GPBP1: variants seen among roughly 807,000 people sequenced by gnomAD.
GPBP1 encodes the protein GC-rich promoter binding protein 1.
Under a neutral mutation model 56.5 loss-of-function variants are expected in GPBP1, and 13 were observed. The observed-to-expected ratio is 0.23, with a 90% CI of 0.15 to 0.37. The LOEUF (loss-of-function observed/expected upper bound fraction) is 0.37. GPBP1 is among the 10% of genes least tolerant of loss of function. GPBP1 has a pLI of 1.00. For missense variants in GPBP1, 477 were observed against 572.3 expected (o/e 0.83, Z 1.70); for synonymous variants, 204 against 188.9 (o/e 1.08, Z -0.66).
At chr5:57,197,252 C>G (rs1395147623) in intron 2 of GPBP1, among the ~76,000 whole-genome samples, 1 of 152,106 alleles carries the variant, frequency 6.6e-6, no homozygotes, top group East Asian at 1.9e-4. Context: ...TTGTCCTCCT[C>G]CATTTGAGGA....
In GPBP1 at chr5:57,263,945, T is replaced by G. The variant is rs888064794; in HGVS notation, c.*1193T>G. The G allele has an allele frequency of 6.6e-6, 1 of 152,192 alleles. No homozygotes were observed. The highest frequency in any genetic ancestry group is 1.5e-5 in the Non-Finnish European group (1 of 68,014). 9.4% of individuals were successfully genotyped at this position (152,192 alleles called of 1,614,324 possible). On this transcript the variant is annotated 3_prime_UTR_variant, in exon 12 of 12. Coordinates refer to ENST00000506184, the MANE Select transcript of GPBP1 (RefSeq NM_022913.4). ...TTATGTTTAAATATATTCTAACTTATGTAAAGAGCATAATCTTAGAGCAAA... is the reference window on the plus strand; with the variant it reads ...TTATGTTTAAATATATTCTAACTTAGGTAAAGAGCATAATCTTAGAGCAAA...
intron 10 of GPBP1, among the ~76,000 whole-genome samples, chr5:57,260,571 T>C (rs1422853649): frequency 6.6e-6 from 1 of 152,154 alleles, no homozygotes; most frequent in Non-Finnish European, 1.5e-5. Flanking sequence ...TTAGCACAAG[T>C]TTATTTTGGT....
rs1262269484 is a variant in GPBP1, at chr5:57,263,304, A to T, written c.*552A>T. ...CAAAGTGCACTAAAACAATTTCCTGAACTCACCTGTTGTACTATTCACCTT... is the reference window on the plus strand; with the variant it reads ...CAAAGTGCACTAAAACAATTTCCTGTACTCACCTGTTGTACTATTCACCTT... On this transcript the variant is annotated 3_prime_UTR_variant, in exon 12 of 12. Transcript: ENST00000506184. 2 of 152,488 alleles carry T rather than the reference A, an allele frequency of 1.3e-5. No individual in the cohort carries two copies. Among genetic ancestry groups the T allele is most frequent in the Admixed American group, 6.5e-5 (1 of 15,322 alleles). The allele number at this position is 152,488 out of a possible 1,614,324, so 9.4% of individuals were successfully genotyped here.
At chr5:57,240,313 T>C (rs545808950) in intron 6 of GPBP1, among the ~76,000 whole-genome samples, 1 of 152,290 alleles carries the variant, frequency 6.6e-6, no homozygotes, top group East Asian at 1.9e-4. Flanking sequence ...GGCTACATGC[T>C]TTTGTTGATA....
chr5:57,225,181 G>A (rs558348754), intron 3 of GPBP1, among the ~76,000 whole-genome samples: 7 of 152,082 alleles, frequency 4.6e-5, no homozygotes, highest in East Asian at 1.9e-4. Context: ...TTATTTCGCC[G>A]GGCACGGTAG....
At chr5:57,232,494 C>G (rs997253767) in intron 5 of GPBP1, among the ~76,000 whole-genome samples, 1 of 152,212 alleles carries the variant, frequency 6.6e-6, no homozygotes, top group Non-Finnish European at 1.5e-5. Flanking sequence ...GGCATTAAGT[C>G]ATAGACTGTT....
intron 8 of GPBP1, 106 bp downstream of exon 8, chr5:57,247,321 T>A: frequency 1.1e-6 from 1 of 942,934 alleles, no homozygotes; most frequent in Non-Finnish European, 1.5e-6. Flanking sequence ...AAAATGAGTT[T>A]CATTCCTTCA....
At chr5:57,248,197 T>G (rs955291691) in intron 8 of GPBP1, among the ~76,000 whole-genome samples, 5 of 152,162 alleles carry the variant, frequency 3.3e-5, no homozygotes, top group Non-Finnish European at 1.5e-5. Context: ...CTATTAACAC[T>G]GATTGGGGGG....
intron 10 of GPBP1, among the ~76,000 whole-genome samples, chr5:57,256,982 TATAA>T (rs1741693216): frequency 1.3e-5 from 2 of 152,150 alleles, no homozygotes; most frequent in Non-Finnish European, 2.9e-5. Flanking sequence ...GTTATATACA[TATAA>T]ATACTCATAT....
rs1756646050 is a variant in GPBP1 at position 57,236,005 on chromosome 5, A to G, written c.451A>G (p.Asn151Asp). ...TGAGTATGAGAGAGAACCAAATCAC[A>G]ATAAGTCTTTAGCTGCAGGTGTGTG... ...NPEYEREPNH[N>D]KSLAAGVWEY... Residue 151 changes from asparagine to aspartate, a missense_variant, in exon 6 of 12, where the codon AAT (asparagine) becomes GAT (aspartate). Around this residue, in one of 2 missense-constraint regions of GPBP1, gnomAD observed 414 missense variants for 458.2 expected, o/e 0.90. Transcript: ENST00000506184. The G allele has an allele frequency of 6.2e-7, 1 of 1,611,912 alleles. No individual in the cohort carries two copies. The highest frequency in any genetic ancestry group is 1.3e-5 in the African/African-American group (1 of 75,006).
intron 2 of GPBP1, among the ~76,000 whole-genome samples, chr5:57,209,583 G>A (rs1018234575): frequency 2.1e-4 from 32 of 152,084 alleles, no homozygotes; most frequent in Admixed American, 5.2e-4. Flanking sequence ...TAAGGGGAAA[G>A]CTTTCAGTCT....
At chr5:57,218,550 ATGGG>A (rs886804949) in intron 3 of GPBP1, among the ~76,000 whole-genome samples, 1 of 152,090 alleles carries the variant, frequency 6.6e-6, no homozygotes, top group African/African-American at 2.4e-5. Flanking sequence ...CAATTGGTCT[ATGGG>A]TGGTGGGGCT....
At chr5:57,196,715 C>T (rs997470756) in intron 2 of GPBP1, among the ~76,000 whole-genome samples, 1 of 152,008 alleles carries the variant, frequency 6.6e-6, no homozygotes, top group Admixed American at 6.6e-5. Flanking sequence ...GCCTCAGCCC[C>T]CCAAGTAGCT....
chr5:57,180,400 G>A (rs1370607087), intron 2 of GPBP1, among the ~76,000 whole-genome samples: 3 of 152,202 alleles, frequency 2.0e-5, no homozygotes, highest in Non-Finnish European at 4.4e-5. Flanking sequence ...GATTATAGGC[G>A]TGAGCCACTG....
chr5:57,211,438 T>G (rs1283558847), intron 2 of GPBP1, among the ~76,000 whole-genome samples: 11 of 152,176 alleles, frequency 7.2e-5, no homozygotes, highest in Non-Finnish European at 1.2e-4. Flanking sequence ...AGCCTCCCAC[T>G]TCACTTCCCA....
intron 3 of GPBP1, among the ~76,000 whole-genome samples, chr5:57,224,307 A>G (rs1023968487): frequency 1.3e-5 from 2 of 151,416 alleles, no homozygotes; most frequent in African/African-American, 2.4e-5. Context: ...CAGTGGCACA[A>G]TCTCAGCTCA....
Position 57,175,434 on chromosome 5 carries a change from T to A in GPBP1, c.-1010-14T>A, listed in dbSNP as rs1273971262. 4.0e-5 allele frequency: 16 copies of A among 398,442 alleles called. No homozygotes were observed. Among genetic ancestry groups the A allele is most frequent in the African/African-American group, 8.2e-5 (4 of 48,630 alleles). The allele number at this position is 398,442 out of a possible 1,614,324, so 24.7% of individuals were successfully genotyped here. Reference sequence around the variant, plus strand: ...TCAAAACTCAGTATATAATTTTTTTTATAACTTTTACAGGTGATTGAATTA... The same window carrying A: ...TCAAAACTCAGTATATAATTTTTTTAATAACTTTTACAGGTGATTGAATTA... On this transcript the variant is annotated splice_polypyrimidine_tract_variant and intron_variant, in intron 1 of 11. Coordinates refer to ENST00000506184, the MANE Select transcript of GPBP1 (RefSeq NM_022913.4).
chr5:57,259,478 A>G (rs1359686981), intron 10 of GPBP1, among the ~76,000 whole-genome samples: 1 of 152,232 alleles, frequency 6.6e-6, no homozygotes, highest in African/African-American at 2.4e-5. Context: ...GTTTTTCAAC[A>G]TAACTCCATC....
chr5:57,243,744 G>A (rs1740943477), intron 6 of GPBP1, among the ~76,000 whole-genome samples: 1 of 151,660 alleles, frequency 6.6e-6, no homozygotes, highest in Non-Finnish European at 1.5e-5. Context: ...CTGGAGTACA[G>A]TTGTGCCATC....
Sources: allele counts gnomAD v4.1 joint callset (sites outside exome capture counted in the v4.1 genomes callset), GRCh38; gene constraint gnomAD v4.1.1; regional missense constraint gnomAD v4.1.1; transcripts MANE v1.5; gene names NCBI Gene and HGNC (gene_info 2026-07-23, HGNC 2026-07-21).